Variants in SORCS2 observed in about 807,000 individuals in gnomAD.
SORCS2 encodes VPS10 domain-containing receptor SorCS2.
A neutral mutation model predicts 141.6 loss-of-function variants in SORCS2; 100 were observed. That is an observed-to-expected ratio of 0.71 (90% CI 0.60 to 0.83). The LOEUF is 0.83. SORCS2 is among the 40% of genes least tolerant of loss of function. SORCS2 has a pLI of 0.00. For missense variants in SORCS2, 1,646 were observed against 1,560.2 expected, an observed-to-expected ratio of 1.05 and a Z score of -0.93; for synonymous variants, 789 against 676.9, an observed-to-expected ratio of 1.17 and a Z score of -2.57.
At chr4:7,235,590 T>C (rs1420881562) in intron 1 of SORCS2, among the ~76,000 whole-genome samples, 1 of 152,154 alleles carries the variant, frequency 6.6e-6, no homozygotes, top group Non-Finnish European at 1.5e-5. Context: ...GCCTGGCCCC[T>C]GAGGGGTGGC....
intron 3 of SORCS2, among the ~76,000 whole-genome samples, chr4:7,572,652 A>G (rs1197294803): frequency 6.6e-6 from 1 of 152,240 alleles, no homozygotes; most frequent in Non-Finnish European, 1.5e-5. Flanking sequence ...GCTTGTTACC[A>G]TCACTTCCTA....
At chr4:7,489,560 G>A (rs1560327310) in intron 2 of SORCS2, among the ~76,000 whole-genome samples, 1 of 151,926 alleles carries the variant, frequency 6.6e-6, no homozygotes, top group African/African-American at 2.4e-5. Context: ...ATGTTATCTG[G>A]TATCTGGATA....
At position 7,496,428 on chromosome 4, in the gene SORCS2, C is replaced by G. The variant is rs1218706350; in HGVS notation, c.549-35102C>G. Among the ~76,000 whole-genome samples, 5 of 7,306 alleles carry G rather than the reference C, an allele frequency of 6.8e-4. No individual in the cohort carries two copies. In the East Asian group the frequency reaches 0.012, roughly 17 times the overall value. The allele number at this position is 7,306 out of a possible 152,430, so 4.8% of individuals were successfully genotyped here. A position where few individuals can be genotyped will look rare whatever the true frequency, so the allele number is the denominator to read the frequency against. ...AGAACTTTCTGGAAAGCTACTGGAG[C>G]CCCCCCCCCCCACTCCCCACCCGTT... is the stretch of plus-strand genomic sequence containing the variant. On this transcript the variant is annotated intron_variant, in intron 2 of 26. Transcript: ENST00000507866.
intron 1 of SORCS2, among the ~76,000 whole-genome samples, chr4:7,257,090 G>C (rs1028581205): frequency 2.0e-5 from 3 of 152,290 alleles, no homozygotes; most frequent in African/African-American, 7.2e-5. Flanking sequence ...AGACCTGTGG[G>C]GCAGGAGAGA....
chr4:7,665,371 C>T (rs1289172268), intron 7 of SORCS2, among the ~76,000 whole-genome samples: 2 of 152,228 alleles, frequency 1.3e-5, no homozygotes, highest in Non-Finnish European at 2.9e-5. Flanking sequence ...CTGATCCTAA[C>T]CTCCAGCCCT....
intron 1 of SORCS2, among the ~76,000 whole-genome samples, chr4:7,378,496 A>T (rs1722792107): frequency 1.3e-5 from 2 of 152,194 alleles, no homozygotes; most frequent in Admixed American, 6.5e-5. Context: ...TGCCAAGCGA[A>T]GGGGGAAGCC....
At chr4:7,420,902 C>CCTCCTCTGCCCGCCTGT (rs1725997605) in intron 2 of SORCS2, among the ~76,000 whole-genome samples, 2 of 152,192 alleles carry the variant, frequency 1.3e-5, no homozygotes, top group Admixed American at 1.3e-4. Flanking sequence ...CTCTCGCTTG[C>CCTCCTCTGCCCGCCTGT]CTCCTCTGCC....
At chr4:7,600,091 G>A (rs879494405) in intron 3 of SORCS2, among the ~76,000 whole-genome samples, 8 of 152,020 alleles carry the variant, frequency 5.3e-5, no homozygotes, top group Non-Finnish European at 8.8e-5. Context: ...CAAACTGCTG[G>A]GATTACAGCC....
chr4:7,228,489 C>G (rs372387036), intron 1 of SORCS2, among the ~76,000 whole-genome samples: 4 of 152,320 alleles, frequency 2.6e-5, no homozygotes, highest in African/African-American at 9.6e-5. Flanking sequence ...GAGCCTAAAA[C>G]TTGGCATATT....
chr4:7,368,428 C>A (rs1025940761), intron 1 of SORCS2, among the ~76,000 whole-genome samples: 1 of 152,250 alleles, frequency 6.6e-6, no homozygotes, highest in Non-Finnish European at 1.5e-5. Context: ...TCCACCTTGA[C>A]TGCCCGGACC....
intron 8 of SORCS2, among the ~76,000 whole-genome samples, chr4:7,674,558 A>T (rs1443595356): frequency 1.5e-5 from 2 of 130,526 alleles, no homozygotes. Context: ...TGGGCGACAG[A>T]GCGAGACTCT....
intron 1 of SORCS2, among the ~76,000 whole-genome samples, chr4:7,347,389 A>G (rs1043347294): frequency 6.6e-6 from 1 of 152,256 alleles, no homozygotes; most frequent in Non-Finnish European, 1.5e-5. Context: ...TGTCAAGGAC[A>G]TATCAGTGAA....
intron 1 of SORCS2, among the ~76,000 whole-genome samples, chr4:7,314,961 A>G (rs1475159756): frequency 6.6e-6 from 1 of 151,940 alleles, no homozygotes; most frequent in Non-Finnish European, 1.5e-5. Context: ...CCTCCCAAGT[A>G]GCTGGAATTA....
intron 3 of SORCS2, among the ~76,000 whole-genome samples, chr4:7,603,496 A>G (rs139450698): frequency 4.7e-4 from 71 of 152,322 alleles, no homozygotes; most frequent in African/African-American, 1.5e-3. Context: ...AACCTCAATT[A>G]TGATGTCCTT....
intron 1 of SORCS2, among the ~76,000 whole-genome samples, chr4:7,374,042 G>A (rs1447076128): frequency 6.6e-6 from 1 of 152,138 alleles, no homozygotes; most frequent in Admixed American, 6.5e-5. Context: ...CAGTTTCAGA[G>A]TCTACATTTA....
intron 2 of SORCS2, among the ~76,000 whole-genome samples, chr4:7,462,200 C>G (rs1031299259): frequency 6.6e-6 from 1 of 152,226 alleles, no homozygotes; most frequent in Non-Finnish European, 1.5e-5. Context: ...TGGGCGCCAG[C>G]TCTCCTGCCC....
intron 23 of SORCS2, among the ~76,000 whole-genome samples, 187 bp downstream of exon 23, chr4:7,729,899 TCTAAGGTCA>T (rs753595636): frequency 5.3e-5 from 8 of 152,208 alleles, no homozygotes; most frequent in Non-Finnish European, 8.8e-5. Flanking sequence ...TCACACAGCC[TCTAAGGTCA>T]CTGCGGCAGA....
chr4:7,543,679 C>CTCAT (rs1712922073), intron 3 of SORCS2, among the ~76,000 whole-genome samples: 1 of 80,290 alleles, frequency 1.2e-5, no homozygotes, highest in Non-Finnish European at 2.8e-5. Flanking sequence ...CATCCATCCA[C>CTCAT]CCATCCACCC....
In SORCS2 at chr4:7,740,619, C is replaced by A. The variant is rs1032318671; in HGVS notation, c.*355C>A. The A allele has an allele frequency of 2.9e-6, 1 of 350,296 alleles. No homozygotes were observed. The highest frequency in any genetic ancestry group is 4.7e-5 in the East Asian group (1 of 21,384). The allele number at this position is 350,296 out of a possible 1,614,324, so 21.7% of individuals were successfully genotyped here. ...TCGTCCTGGAGCCCTCCCAGTACCT[C>A]GGGCTGCAAGAGCTGCAGACCCGTT... On this transcript the variant is annotated 3_prime_UTR_variant, in exon 27 of 27. Transcript: ENST00000507866.
Sources: allele counts gnomAD v4.1 joint callset (sites outside exome capture counted in the v4.1 genomes callset), GRCh38; gene constraint gnomAD v4.1.1; transcripts MANE v1.5; gene names NCBI Gene and HGNC (gene_info 2026-07-23, HGNC 2026-07-21).